OSBPL1A: variants seen among roughly 807,000 people sequenced by gnomAD.
OSBPL1A encodes the protein oxysterol-binding protein-related protein 1.
Under a neutral mutation model 137.1 loss-of-function variants are expected in OSBPL1A, and 80 were observed. The ratio of observed to expected loss-of-function variants is 0.58; its 90% CI spans 0.49 to 0.70. The LOEUF (loss-of-function observed/expected upper bound fraction) is 0.70, where lower values mean the gene tolerates loss of function less well. Among genes scored for constraint, OSBPL1A ranks in the 30% least tolerant of loss-of-function variants. The probability of loss-of-function intolerance (pLI) is 0.00; values close to 1 mark genes in which losing one functional copy is unlikely to be tolerated. For synonymous variants in OSBPL1A, 365 were observed against 389.7 expected (o/e 0.94, Z 0.75); for missense variants, 970 against 1,129.4 (o/e 0.86, Z 2.02).
chr18:24,293,519 G>C lies in OSBPL1A; in HGVS notation c.1174+10118C>G, dbSNP rs956092800. 3.9e-5 allele frequency among the ~76,000 whole-genome samples: 6 copies of C among 152,228 alleles called. No individual in the cohort carries two copies. In the East Asian group the frequency reaches 5.8e-4, roughly 15 times the overall value. ...GTACACAAAGCAGGGCAGAGCAGAC[G>C]AGGAGGAGCAAACCAGCGCAGGAGG... On this transcript the variant is annotated intron_variant, in intron 14 of 27. Coordinates refer to ENST00000319481, the MANE Select transcript of OSBPL1A (RefSeq NM_080597.4).
intron 2 of OSBPL1A, among the ~76,000 whole-genome samples, chr18:24,369,148 A>C (rs570844847): frequency 6.6e-6 from 1 of 152,260 alleles, no homozygotes; most frequent in African/African-American, 2.4e-5. Flanking sequence ...AAAGCTGTGA[A>C]CTCTACAGAT....
intron 26 of OSBPL1A, 73 bp downstream of exon 26, chr18:24,166,506 T>C (rs1230434020): frequency 6.6e-7 from 1 of 1,525,146 alleles, no homozygotes; most frequent in African/African-American, 1.4e-5. Context: ...ATGCTAACAA[T>C]CACCAGGAAT....
chr18:24,318,489 G>C (rs951131123), intron 9 of OSBPL1A, 112 bp downstream of exon 9: 23 of 890,170 alleles, frequency 2.6e-5, no homozygotes, highest in Non-Finnish European at 3.9e-5. Flanking sequence ...CGATCCAAGA[G>C]CGATTAAATC....
At chr18:24,368,535 C>T (rs754205764) in intron 2 of OSBPL1A, 163 bp from the exon 3 acceptor site, 10 of 579,334 alleles carry the variant, frequency 1.7e-5, no homozygotes, top group Middle Eastern at 4.8e-4. Flanking sequence ...GTGTAAAGGA[C>T]GAGAACTCAC....
At chr18:24,233,492 A>G (rs1444022121) in intron 16 of OSBPL1A, among the ~76,000 whole-genome samples, 1 of 152,238 alleles carries the variant, frequency 6.6e-6, no homozygotes, top group Non-Finnish European at 1.5e-5. Context: ...GAATAACAAT[A>G]TATTTTTAGG....
chr18:24,288,232 C>T (rs1325532856), intron 14 of OSBPL1A, among the ~76,000 whole-genome samples: 1 of 152,086 alleles, frequency 6.6e-6, no homozygotes, highest in South Asian at 2.1e-4. Flanking sequence ...TACGCTAAGA[C>T]CCAAATGCAT....
chr18:24,224,950 G>A (rs573475941), intron 17 of OSBPL1A, 92 bp downstream of exon 17: 1 of 1,520,170 alleles, frequency 6.6e-7, no homozygotes, highest in East Asian at 2.3e-5. Context: ...CCTACACGGG[G>A]AAAAATGAAG....
chr18:24,284,605 C>A (rs1014841816), intron 14 of OSBPL1A, among the ~76,000 whole-genome samples: 25 of 143,522 alleles, frequency 1.7e-4, no homozygotes, highest in Non-Finnish European at 2.3e-4. Context: ...CTTGTACAGA[C>A]AACCTCCACT....
chr18:24,247,474 T>C (rs1177094964), intron 15 of OSBPL1A, among the ~76,000 whole-genome samples: 1 of 152,062 alleles, frequency 6.6e-6, no homozygotes, highest in Non-Finnish European at 1.5e-5. Context: ...CAAGAGGTGT[T>C]TGTTTGTTTG....
At chr18:24,232,289 G>C (rs1455788680) in intron 16 of OSBPL1A, among the ~76,000 whole-genome samples, 1 of 152,202 alleles carries the variant, frequency 6.6e-6, no homozygotes, top group Non-Finnish European at 1.5e-5. Flanking sequence ...CCAAGAGACT[G>C]CTGCAATAAT....
At chr18:24,265,123 T>C (rs2089539905) in intron 15 of OSBPL1A, among the ~76,000 whole-genome samples, 1 of 152,186 alleles carries the variant, frequency 6.6e-6, no homozygotes, top group Non-Finnish European at 1.5e-5. Flanking sequence ...TTTAAACAAC[T>C]AGTCCTTAAC....
intron 15 of OSBPL1A, among the ~76,000 whole-genome samples, chr18:24,259,025 C>T (rs978305598): frequency 2.7e-5 from 4 of 147,424 alleles, no homozygotes; most frequent in Admixed American, 1.4e-4. Flanking sequence ...GTAAGCTCCA[C>T]TTTCCGGGTT....
chr18:24,374,802 A>G (rs1056883875), intron 2 of OSBPL1A, among the ~76,000 whole-genome samples: 3 of 152,118 alleles, frequency 2.0e-5, no homozygotes, highest in Non-Finnish European at 4.4e-5. Context: ...ACACTGAGAG[A>G]CCTGAGTTTG....
chr18:24,311,833 AC>A lies in OSBPL1A; in HGVS notation c.1092+150del, dbSNP rs1416129975. ...AGTATTACCATGAGAGACATAAGCT[AC>A]CAACACAATGCAACTCAGTGAAGAA... On this transcript the variant is annotated intron_variant, in intron 13 of 27. Transcript: ENST00000319481. The A allele has an allele frequency of 4.6e-6, 4 of 873,580 alleles. No homozygotes were observed. In the East Asian group the frequency reaches 1.0e-4, roughly 22 times the overall value. 54.1% of individuals were successfully genotyped at this position (873,580 alleles called of 1,614,324 possible). A position where few individuals can be genotyped will look rare whatever the true frequency, so the allele number is the denominator to read the frequency against.
At chr18:24,332,650 G>A (rs565615251) in intron 7 of OSBPL1A, among the ~76,000 whole-genome samples, 4 of 151,478 alleles carry the variant, frequency 2.6e-5, no homozygotes, top group African/African-American at 9.7e-5. Flanking sequence ...ACCTAATCCT[G>A]TATTTTCCCC....
Position 24,257,001 on chromosome 18 carries a change from T to G in OSBPL1A, c.1282-17619A>C, listed in dbSNP as rs1301726972. 2.5e-5 allele frequency among the ~76,000 whole-genome samples: 3 copies of G among 119,262 alleles called. No homozygotes were observed. The Admixed American group carries it at 2.6e-4, about 10-fold the overall frequency. 78.2% of individuals were successfully genotyped at this position (119,262 alleles called of 152,430 possible). The stretch of plus-strand genomic sequence containing the variant: ...AAAAAAAAAAAAAAAAGGAAAGATA[T>G]TCCATGTTCATGGACTGGGAAAATG... On this transcript the variant is annotated intron_variant, in intron 15 of 27. Coordinates refer to ENST00000319481, the MANE Select transcript of OSBPL1A (RefSeq NM_080597.4).
intron 7 of OSBPL1A, among the ~76,000 whole-genome samples, chr18:24,325,140 G>A (rs1221493599): frequency 6.6e-6 from 1 of 152,060 alleles, no homozygotes; most frequent in African/African-American, 2.4e-5. Flanking sequence ...GTATAAGAAA[G>A]GCATGACAAA....
At chr18:24,320,961 G>A (rs1228875962) in intron 7 of OSBPL1A, among the ~76,000 whole-genome samples, 2 of 150,206 alleles carry the variant, frequency 1.3e-5, no homozygotes, top group East Asian at 3.9e-4. Context: ...CCTGAGAGGC[G>A]GAGTTGCAGT....
intron 1 of OSBPL1A, among the ~76,000 whole-genome samples, chr18:24,384,498 C>T (rs1156278778): frequency 2.0e-5 from 3 of 150,466 alleles, no homozygotes; most frequent in East Asian, 2.0e-4. Flanking sequence ...CACTTGAACC[C>T]GGGAGGTTAC....
Sources: allele counts gnomAD v4.1 joint callset (sites outside exome capture counted in the v4.1 genomes callset), GRCh38; gene constraint gnomAD v4.1.1; transcripts MANE v1.5; gene names NCBI Gene and HGNC (gene_info 2026-07-23, HGNC 2026-07-21).